The following TAF10 variants were observed in gnomAD, a reference collection of about 807,000 sequenced individuals.
The protein encoded by TAF10 is transcription initiation factor TFIID subunit 10.
A neutral mutation model predicts 18.1 loss-of-function variants in TAF10; 2 were observed. The observed-to-expected ratio is 0.11, with a 90% CI of 0.05 to 0.35. TAF10 has a LOEUF of 0.35. Among genes scored for constraint, TAF10 ranks in the 10% least tolerant of loss-of-function variants. The pLI, the probability that TAF10 is intolerant of heterozygous loss-of-function variation, is 1.00. For missense variants in TAF10, 293 were observed against 306.9 expected (o/e 0.95, Z 0.34); for synonymous variants, 158 against 134.6 (o/e 1.17, Z -1.20).
Position 6,610,366 on chromosome 11 carries a change from T to TG in TAF10, c.*555dup. ...AGTGGGCCTTGGCTCCTCACATATT[T>TG]GTTCGGATATACAGTAATCCTGTCC... On this transcript the variant is annotated 3_prime_UTR_variant, in exon 5 of 5. Coordinates refer to ENST00000299424, the MANE Select transcript of TAF10 (RefSeq NM_006284.4). The TG allele has an allele frequency of 6.2e-7, 1 of 1,613,294 alleles. No individual in the cohort carries two copies. The highest frequency in any genetic ancestry group is 1.7e-5 in the Admixed American group (1 of 60,026).
In TAF10 at chr11:6,607,842, G is replaced by A; in HGVS notation, c.*3080C>T. 1.7e-6 allele frequency: 1 copy of A among 596,014 alleles called. No homozygotes were observed. The allele number at this position is 596,014 out of a possible 1,614,324, so 36.9% of individuals were successfully genotyped here. ...GATAACACATTTTTTTATAGAGGTT[G>A]TTGAGATATCTAGGTGGTTGGTTTG... On this transcript the variant is annotated 3_prime_UTR_variant, in exon 5 of 5. Coordinates refer to ENST00000299424, the MANE Select transcript of TAF10 (RefSeq NM_006284.4).
At position 6,609,466 on chromosome 11, in the gene TAF10, AAG is replaced by A; in HGVS notation, c.*1454_*1455del. On this transcript the variant is annotated 3_prime_UTR_variant, in exon 5 of 5. Transcript: ENST00000299424. The stretch of plus-strand genomic sequence containing the variant: ...TCCAAGGAACCCTGAATAGCACTGA[AAG>A]AGATCTTTTGTACTGGGTCTCAACC... 1.9e-6 allele frequency: 3 copies of A among 1,614,084 alleles called. No individual in the cohort carries two copies. The highest frequency in any genetic ancestry group is 8.5e-7 in the Non-Finnish European group (1 of 1,179,988).
chr11:6,611,643 C>T (rs182151442), intron 2 of TAF10, 21 bp downstream of exon 2: 5 of 1,576,280 alleles, frequency 3.2e-6, no homozygotes, highest in South Asian at 1.2e-5. Flanking sequence ...GCTAGGTGGC[C>T]TTGTTCGGGC....
At chr11:6,611,105 G>A (rs1003732256) in intron 4 of TAF10, 84 bp downstream of exon 4, 26 of 1,586,626 alleles carry the variant, frequency 1.6e-5, no homozygotes, top group Non-Finnish European at 2.0e-5. Flanking sequence ...CCTCCCCTAC[G>A]ATTCAGTTTC....
In TAF10 at chr11:6,608,330, C is replaced by T; in HGVS notation, c.*2592G>A. 1 of 1,570,824 alleles carries T rather than the reference C, an allele frequency of 6.4e-7. No individual in the cohort carries two copies. Among genetic ancestry groups the T allele is most frequent in the Non-Finnish European group, 8.8e-7 (1 of 1,140,694 alleles). ...TCCCCCTTTTCCCATGCCCTGACAC[C>T]AGTATCTCATTTGGAACTGACTGTA... is the stretch of plus-strand genomic sequence containing the variant. On this transcript the variant is annotated 3_prime_UTR_variant, in exon 5 of 5. Coordinates refer to ENST00000299424, the MANE Select transcript of TAF10 (RefSeq NM_006284.4). This position sits in a 1 kb window ranked among gnomAD's most constrained non-coding sequence, Gnocchi z 4.9.
chr11:6,607,955 C>A lies in TAF10; in HGVS notation c.*2967G>T. On this transcript the variant is annotated 3_prime_UTR_variant, in exon 5 of 5. Coordinates refer to ENST00000299424, the MANE Select transcript of TAF10 (RefSeq NM_006284.4). ...TCAAAGTCCTAGAGAGGTAAGCCTT[C>A]CCAGAGAGTATGTAATTATCAGTTT... The A allele has an allele frequency of 7.4e-7, 1 of 1,352,304 alleles. No individual in the cohort carries two copies. Among genetic ancestry groups the A allele is most frequent in the South Asian group, 1.2e-5 (1 of 82,234 alleles). 83.8% of individuals were successfully genotyped at this position (1,352,304 alleles called of 1,614,324 possible). A position where few individuals can be genotyped will look rare whatever the true frequency, so the allele number is the denominator to read the frequency against.
chr11:6,611,083 G>A lies in TAF10; in HGVS notation c.568-72C>T, dbSNP rs1855442551. The stretch of plus-strand genomic sequence containing the variant: ...TTCAATCCCAGATGGGTGACCCTGA[G>A]TAAGTCTTACACCTCCCCTACGATT... On this transcript the variant is annotated intron_variant, in intron 4 of 4. Coordinates refer to ENST00000299424, the MANE Select transcript of TAF10 (RefSeq NM_006284.4). 6 of 1,594,738 alleles carry A rather than the reference G, an allele frequency of 3.8e-6. No individual in the cohort carries two copies. The South Asian group carries it at 6.6e-5, about 18-fold the overall frequency.
Position 6,608,194 on chromosome 11 carries a change from C to T in TAF10, c.*2728G>A. ...GCATCTGGCAGCCAGTCATGGACACCGTGATATTGTACAGAAGGTACGTAC... is the reference window on the plus strand; with the variant it reads ...GCATCTGGCAGCCAGTCATGGACACTGTGATATTGTACAGAAGGTACGTAC... On this transcript the variant is annotated 3_prime_UTR_variant, in exon 5 of 5. Transcript: ENST00000299424. This position sits in a 1 kb window ranked among gnomAD's most constrained non-coding sequence, Gnocchi z 4.9. The T allele has an allele frequency of 8.1e-6, 13 of 1,614,172 alleles. No homozygotes were observed. Among genetic ancestry groups the T allele is most frequent in the Admixed American group, 1.7e-5 (1 of 60,032 alleles).
rs1168601161 is a variant in TAF10, at chr11:6,609,693, T to C, written c.*1229A>G. ...GAGGAAATGGCAGAGAGGGAGCCTC[T>C]CTGAACTATTTGACTTTTGCCTCCT... On this transcript the variant is annotated 3_prime_UTR_variant, in exon 5 of 5. Coordinates refer to ENST00000299424, the MANE Select transcript of TAF10 (RefSeq NM_006284.4). 6.2e-7 allele frequency: 1 copy of C among 1,614,194 alleles called. No individual in the cohort carries two copies. Among genetic ancestry groups the C allele is most frequent in the South Asian group, 1.1e-5 (1 of 91,078 alleles).
Position 6,610,416 on chromosome 11 carries a change from A to G in TAF10, c.*506T>C, listed in dbSNP as rs748797805. On this transcript the variant is annotated 3_prime_UTR_variant, in exon 5 of 5. Transcript: ENST00000299424. The stretch of plus-strand genomic sequence containing the variant: ...CCAAGGGCCAGTGGCTTCTCTCTAC[A>G]TGACAGACTCAAATTGTGAGGCTGC... 1.3e-5 allele frequency: 21 copies of G among 1,613,982 alleles called. No individual in the cohort carries two copies. In the Admixed American group the frequency reaches 3.2e-4, roughly 24 times the overall value.
Position 6,609,361 on chromosome 11 carries a change from G to T in TAF10, c.*1561C>A. ...TGAAGGTGCTGAAGGTTCGAGACTG[G>T]AGTACAAGGAAGAGCAGGGACTTCA... is the stretch of plus-strand genomic sequence containing the variant. On this transcript the variant is annotated 3_prime_UTR_variant, in exon 5 of 5. Coordinates refer to ENST00000299424, the MANE Select transcript of TAF10 (RefSeq NM_006284.4). 1 of 1,614,172 alleles carries T rather than the reference G, an allele frequency of 6.2e-7. No homozygotes were observed. Among genetic ancestry groups the T allele is most frequent in the Non-Finnish European group, 8.5e-7 (1 of 1,180,040 alleles).
At chr11:6,611,565 G>A in intron 2 of TAF10, 99 bp downstream of exon 2, 1 of 1,592,410 alleles carries the variant, frequency 6.3e-7, no homozygotes, top group Non-Finnish European at 8.6e-7. Context: ...AAACACAGAA[G>A]AGCGACTAGG....
Position 6,608,772 on chromosome 11 carries a change from CT to C in TAF10, c.*2149del. ...GCCTGTGGACAAAGCCAAGGCACCC[CT>C]GAGAGAGCTTCTCCGAGGTCCATCT... On this transcript the variant is annotated 3_prime_UTR_variant, in exon 5 of 5. Transcript: ENST00000299424. The surrounding 1 kb of genome is among the most constrained non-coding windows in gnomAD (Gnocchi z 4.9). 1 of 1,614,038 alleles carries C rather than the reference CT, an allele frequency of 6.2e-7. No individual in the cohort carries two copies. Among genetic ancestry groups the C allele is most frequent in the Non-Finnish European group, 8.5e-7 (1 of 1,179,910 alleles).
At position 6,610,219 on chromosome 11, in the gene TAF10, G is replaced by C; in HGVS notation, c.*703C>G. ...GTGGAGTTTTGCAGTGCTTCTGTGG[G>C]AACTGGTGACACGGGAGGTACCCTT... On this transcript the variant is annotated 3_prime_UTR_variant, in exon 5 of 5. Transcript: ENST00000299424. 3 of 1,614,234 alleles carry C rather than the reference G, an allele frequency of 1.9e-6. No homozygotes were observed. The highest frequency in any genetic ancestry group is 2.5e-6 in the Non-Finnish European group (3 of 1,180,032).
rs1381501008 is a variant in TAF10, at chr11:6,612,190, C to T, written c.-1G>A. On this transcript the variant is annotated 5_prime_UTR_variant, in exon 1 of 5. Transcript: ENST00000299424. ...CCGCGCCGGAGCCGCTGCAGCTCAT[C>T]GGGCCGGTGGGAGAGGCGGCGAACA... 3.3e-6 allele frequency: 4 copies of T among 1,228,940 alleles called. No individual in the cohort carries two copies. The highest frequency in any genetic ancestry group is 4.1e-6 in the Non-Finnish European group (4 of 976,828). 76.1% of individuals were successfully genotyped at this position (1,228,940 alleles called of 1,614,324 possible). A position where few individuals can be genotyped will look rare whatever the true frequency, so the allele number is the denominator to read the frequency against.
At chr11:6,611,518 A>T in intron 2 of TAF10, 66 bp from the exon 3 acceptor site, 1 of 1,604,360 alleles carries the variant, frequency 6.2e-7, no homozygotes, top group South Asian at 1.1e-5. Context: ...GATAGGCCTG[A>T]TTATCAGGAA....
In TAF10 at chr11:6,610,480, C is replaced by T. The variant is rs778453343; in HGVS notation, c.*442G>A. ...TTCGCAGGTGGCATTGGAAGGCCTT[C>T]GGCCTACCATCCCACCAGGTATTTC... On this transcript the variant is annotated 3_prime_UTR_variant, in exon 5 of 5. Coordinates refer to ENST00000299424, the MANE Select transcript of TAF10 (RefSeq NM_006284.4). 8.1e-6 allele frequency: 13 copies of T among 1,614,222 alleles called. No individual in the cohort carries two copies. The highest frequency in any genetic ancestry group is 1.3e-5 in the African/African-American group (1 of 75,066).
chr11:6,611,408 A>G lies in TAF10; in HGVS notation c.432T>C (p.Phe144=), dbSNP rs1855456034. Residue 144 remains phenylalanine, a synonymous_variant, in exon 3 of 5, where the codon TTT becomes TTC. Transcript: ENST00000299424. ...CTCACATGCGTGGGTCTGAGGCCTC[A>G]AAGCCAGCACGGTTCAGGTAGTAAC... is the stretch of plus-strand genomic sequence containing the variant. ...VTGYYLNRAG[F]EASDPRIIRL... 6.2e-7 allele frequency: 1 copy of G among 1,614,092 alleles called. No individual in the cohort carries two copies. Among genetic ancestry groups the G allele is most frequent in the African/African-American group, 1.3e-5 (1 of 74,944 alleles).
chr11:6,607,794 A>C lies in TAF10; in HGVS notation c.*3128T>G. ...GGGGAAGAGCACTACCACCTAAGGA[A>C]ATGAGATGTGGGATATGGTGAAGAT... On this transcript the variant is annotated 3_prime_UTR_variant, in exon 5 of 5. Transcript: ENST00000299424. The C allele has an allele frequency of 1.9e-6, 1 of 521,596 alleles. No homozygotes were observed. Among genetic ancestry groups the C allele is most frequent in the Non-Finnish European group, 3.5e-6 (1 of 287,790 alleles). 32.3% of individuals were successfully genotyped at this position (521,596 alleles called of 1,614,324 possible).
Sources: gnomAD v4.1 joint callset for allele counts on GRCh38, gnomAD v4.1.1 for gene constraint, Gnocchi (gnomAD v3.1) non-coding constraint, MANE v1.5 for transcripts, NCBI Gene and HGNC (gene_info 2026-07-23, HGNC 2026-07-21) for gene names.